Variants in SLCO3A1 observed in about 807,000 individuals in gnomAD.
SLCO3A1 encodes PGE1 transporter.
A neutral mutation model predicts 63.1 loss-of-function variants in SLCO3A1; 27 were observed. The observed-to-expected ratio is 0.43, with a 90% CI of 0.32 to 0.59. The LOEUF (loss-of-function observed/expected upper bound fraction) is 0.59, where lower values mean the gene tolerates loss of function less well. Ranked by LOEUF, SLCO3A1 falls within the 20% of genes least tolerant of loss-of-function variation. The pLI is 0.09. For missense variants in SLCO3A1, 773 were observed against 945.8 expected, an observed-to-expected ratio of 0.82 and a Z score of 2.40; for synonymous variants, 473 against 409.9, an observed-to-expected ratio of 1.15 and a Z score of -1.86.
intron 3 of SLCO3A1, among the ~76,000 whole-genome samples, chr15:92,100,597 C>A (rs986491026): frequency 2.6e-5 from 4 of 152,166 alleles, no homozygotes; most frequent in African/African-American, 9.7e-5. Flanking sequence ...TAACTAGAAC[C>A]AAATAGAGAA....
chr15:91,898,961 T>G (rs1898080442), intron 1 of SLCO3A1, among the ~76,000 whole-genome samples: 1 of 152,172 alleles, frequency 6.6e-6, no homozygotes, highest in Admixed American at 6.5e-5. Flanking sequence ...ATGAAACTCT[T>G]TAGTTCTGTC....
At position 91,888,460 on chromosome 15, in the gene SLCO3A1, CAGTT is replaced by C. The variant is rs1897783263; in HGVS notation, c.181-27530_181-27527del. Among the ~76,000 whole-genome samples, 2 of 152,148 alleles carry C rather than the reference CAGTT, an allele frequency of 1.3e-5. 1 individual carries two copies. Among genetic ancestry groups the C allele is most frequent in the South Asian group, 4.1e-4 (2 of 4,836 alleles). ...TGCATAACTATTTGATTTTAACAAG[CAGTT>C]AGCTAAAGTGTTTAGTGTGACTCTA... is the stretch of plus-strand genomic sequence containing the variant. On this transcript the variant is annotated intron_variant, in intron 1 of 9. Coordinates refer to ENST00000318445, the MANE Select transcript of SLCO3A1 (RefSeq NM_013272.4).
intron 1 of SLCO3A1, among the ~76,000 whole-genome samples, chr15:91,895,006 GA>G (rs569693510): frequency 1.5e-4 from 23 of 152,344 alleles, no homozygotes; most frequent in African/African-American, 5.5e-4. Flanking sequence ...TGAGGACACA[GA>G]AGTCCCTGCT....
chr15:92,070,162 A>G (rs149471224), intron 2 of SLCO3A1, among the ~76,000 whole-genome samples: 137 of 152,362 alleles, frequency 9.0e-4, no homozygotes, highest in African/African-American at 3.0e-3. Context: ...CTCTCTGAGC[A>G]TCTCGAAGTT....
At chr15:91,958,705 C>G (rs997142771) in intron 2 of SLCO3A1, among the ~76,000 whole-genome samples, 2 of 152,146 alleles carry the variant, frequency 1.3e-5, no homozygotes, top group Admixed American at 1.3e-4. Flanking sequence ...GAAATTAAAA[C>G]CACAATGATA....
At position 92,164,323 on chromosome 15, in the gene SLCO3A1, A is replaced by AG; in HGVS notation, c.*1188_*1189insG. On this transcript the variant is annotated 3_prime_UTR_variant, in exon 10 of 10. Coordinates refer to ENST00000318445, the MANE Select transcript of SLCO3A1 (RefSeq NM_013272.4). ...CAATGTGTTACAAGAAGAAAAAAAA[A>AG]TGCTTCAAAAAGAGAGTGTATATGC... 1.0e-6 allele frequency: 1 copy of AG among 985,134 alleles called. No individual in the cohort carries two copies. The highest frequency in any genetic ancestry group is 1.2e-6 in the Non-Finnish European group (1 of 829,636). 61.0% of individuals were successfully genotyped at this position (985,134 alleles called of 1,614,324 possible).
At chr15:91,930,269 A>C (rs1316276486) in intron 2 of SLCO3A1, among the ~76,000 whole-genome samples, 1 of 151,934 alleles carries the variant, frequency 6.6e-6, no homozygotes, top group South Asian at 2.1e-4. Context: ...GCACCTCTCA[A>C]CTGGACCACT....
chr15:92,162,468 A>G (rs568984611), intron 9 of SLCO3A1: 1 of 345,096 alleles, frequency 2.9e-6, no homozygotes, highest in African/African-American at 2.1e-5. Flanking sequence ...CTATGTGTAA[A>G]GTTAGTCTTC....
At chr15:91,920,833 T>C (rs1898818810) in intron 2 of SLCO3A1, among the ~76,000 whole-genome samples, 1 of 152,232 alleles carries the variant, frequency 6.6e-6, no homozygotes, top group Non-Finnish European at 1.5e-5. Flanking sequence ...CCCCAAATAG[T>C]TGAGCACTAA....
At chr15:91,956,985 A>AAT (rs1555417605) in intron 2 of SLCO3A1, among the ~76,000 whole-genome samples, 3 of 16,566 alleles carry the variant, frequency 1.8e-4, no homozygotes, top group Non-Finnish European at 2.4e-4. Context: ...TAGTATATAT[A>AAT]ATATATAGTA....
chr15:91,943,617 A>G (rs1355585871), intron 2 of SLCO3A1, among the ~76,000 whole-genome samples: 3 of 152,154 alleles, frequency 2.0e-5, no homozygotes, highest in Admixed American at 6.5e-5. Flanking sequence ...GAAATGCTGG[A>G]TTATATGGTA....
At chr15:91,889,146 A>G (rs1311508177) in intron 1 of SLCO3A1, 1 of 1,280,658 alleles carries the variant, frequency 7.8e-7, no homozygotes, top group Non-Finnish European at 1.0e-6. Flanking sequence ...TTTCTGCATA[A>G]ACTCTTATTG....
intron 2 of SLCO3A1, among the ~76,000 whole-genome samples, chr15:92,029,984 C>T (rs1436955144): frequency 6.6e-6 from 1 of 152,108 alleles, no homozygotes; most frequent in East Asian, 1.9e-4. Context: ...TGGCTTCAAC[C>T]GTTGCATTAT....
intron 2 of SLCO3A1, among the ~76,000 whole-genome samples, chr15:92,078,851 C>T (rs532132525): frequency 6.6e-6 from 1 of 152,314 alleles, no homozygotes; most frequent in South Asian, 2.1e-4. Context: ...GGCATCAGCA[C>T]CGTCATCCTC....
In SLCO3A1 at chr15:92,077,999, C is replaced by T. The variant is rs560226986; in HGVS notation, c.647-16882C>T. 7.9e-5 allele frequency among the ~76,000 whole-genome samples: 12 copies of T among 152,236 alleles called. No individual in the cohort carries two copies. The East Asian group carries it at 9.7e-4, about 12-fold the overall frequency. Reference sequence around the variant, plus strand: ...TATAAACTGATGGTGAAGACACCTGCCTCTCGGGGTTGTGAGGATTACATT... The same window carrying T: ...TATAAACTGATGGTGAAGACACCTGTCTCTCGGGGTTGTGAGGATTACATT... On this transcript the variant is annotated intron_variant, in intron 2 of 9. Transcript: ENST00000318445.
intron 6 of SLCO3A1, 91 bp from the exon 7 acceptor site, chr15:92,128,260 C>A: frequency 6.7e-7 from 1 of 1,489,216 alleles, no homozygotes; most frequent in Non-Finnish European, 9.3e-7. Context: ...CCACGCGACT[C>A]ATCACAACAG....
At position 91,875,410 on chromosome 15, in the gene SLCO3A1, G is replaced by C. The variant is rs1009675050; in HGVS notation, c.180+21322G>C. On this transcript the variant is annotated intron_variant, in intron 1 of 9. Coordinates refer to ENST00000318445, the MANE Select transcript of SLCO3A1 (RefSeq NM_013272.4). This position sits in a 1 kb window ranked among gnomAD's most constrained non-coding sequence, Gnocchi z 4.5. ...CCTTTCCAGTTTACTCTCTCCACAG[G>C]GTAAAAACTGGACTCTGGAGCAAGA... Among the ~76,000 whole-genome samples, 2 of 152,116 alleles carry C rather than the reference G, an allele frequency of 1.3e-5. No homozygotes were observed. The highest frequency in any genetic ancestry group is 6.5e-5 in the Admixed American group (1 of 15,270).
At chr15:92,041,264 A>G (rs1004027578) in intron 2 of SLCO3A1, among the ~76,000 whole-genome samples, 1 of 152,166 alleles carries the variant, frequency 6.6e-6, no homozygotes, top group Non-Finnish European at 1.5e-5. Flanking sequence ...GTATGTTTCC[A>G]TCAATCAACA....
intron 7 of SLCO3A1, among the ~76,000 whole-genome samples, chr15:92,130,690 G>A (rs1443428920): frequency 1.3e-5 from 2 of 152,084 alleles, no homozygotes; most frequent in African/African-American, 2.4e-5. Context: ...TGTGTCACTC[G>A]TGACCCATGG....
Sources: gnomAD v4.1 joint callset for allele counts (sites outside exome capture counted in the v4.1 genomes callset) on GRCh38, gnomAD v4.1.1 for gene constraint, Gnocchi (gnomAD v3.1) non-coding constraint, MANE v1.5 for transcripts, NCBI Gene and HGNC (gene_info 2026-07-23, HGNC 2026-07-21) for gene names.